The following ACOT7 variants were observed in gnomAD, a reference collection of about 807,000 sequenced individuals.
ACOT7 encodes acyl-CoA thioesterase 7, also known as cytosolic acyl coenzyme A thioester hydrolase.
Under a neutral mutation model 40.2 loss-of-function variants are expected in ACOT7, and 12 were observed. That is an observed-to-expected ratio of 0.30 (90% CI 0.19 to 0.48). The LOEUF (loss-of-function observed/expected upper bound fraction) is 0.48. ACOT7 is among the 20% of genes least tolerant of loss of function. The probability of loss-of-function intolerance (pLI) is 0.99; values close to 1 mark genes in which losing one functional copy is unlikely to be tolerated. For synonymous variants in ACOT7, 228 were observed against 219.5 expected (o/e 1.04, Z -0.34); for missense variants, 395 against 530.8 (o/e 0.74, Z 2.51).
chr1:6,381,315 T>G (rs12401411), intron 1 of ACOT7, among the ~76,000 whole-genome samples: 8,013 of 151,826 alleles, frequency 0.053, 381 homozygotes, highest in Non-Finnish European at 0.069. Context: ...ACAAACAGTT[T>G]AGCAATATAT....
At chr1:6,350,996 G>A (rs1488406653) in intron 1 of ACOT7, among the ~76,000 whole-genome samples, 3 of 152,184 alleles carry the variant, frequency 2.0e-5, no homozygotes, top group African/African-American at 7.2e-5. Context: ...AACAGCGCTG[G>A]CAGACACATG....
At chr1:6,312,579 T>C (rs1230243245) in intron 6 of ACOT7, among the ~76,000 whole-genome samples, 2 of 152,152 alleles carry the variant, frequency 1.3e-5, no homozygotes, top group Non-Finnish European at 2.9e-5. Flanking sequence ...GTGATTCTCC[T>C]GCCTCTGCCT....
At chr1:6,376,454 C>T (rs930785119) in intron 1 of ACOT7, among the ~76,000 whole-genome samples, 1 of 151,844 alleles carries the variant, frequency 6.6e-6, no homozygotes, top group Non-Finnish European at 1.5e-5. Flanking sequence ...AGGGGCCAGG[C>T]GCGGTGGCTC....
chr1:6,389,408 C>A (rs556926100), intron 1 of ACOT7, among the ~76,000 whole-genome samples: 2 of 152,254 alleles, frequency 1.3e-5, no homozygotes, highest in Non-Finnish European at 2.9e-5. Context: ...TGGCTACAGT[C>A]CCCAGAAAGC....
chr1:6,363,655 C>A (rs1385527272), intron 1 of ACOT7, among the ~76,000 whole-genome samples: 1 of 152,124 alleles, frequency 6.6e-6, no homozygotes, highest in Non-Finnish European at 1.5e-5. Context: ...AGGGAAGGGC[C>A]CCCTGTCCAG....
At chr1:6,345,079 G>A (rs1004479854) in intron 2 of ACOT7, among the ~76,000 whole-genome samples, 8 of 152,196 alleles carry the variant, frequency 5.3e-5, no homozygotes, top group African/African-American at 1.4e-4. Flanking sequence ...TACATGGACT[G>A]ACAAGTATTT....
At chr1:6,284,954 G>C (rs1172994603) in intron 7 of ACOT7, among the ~76,000 whole-genome samples, 2 of 152,200 alleles carry the variant, frequency 1.3e-5, no homozygotes, top group South Asian at 4.1e-4. Context: ...AGCTGCCCAG[G>C]GCGGCTCAGC....
intron 1 of ACOT7, among the ~76,000 whole-genome samples, chr1:6,377,962 C>T (rs893948481): frequency 8.6e-5 from 13 of 151,858 alleles, no homozygotes; most frequent in African/African-American, 2.9e-4. Flanking sequence ...CCCAGCTACT[C>T]GGGAGGCTGA....
intron 6 of ACOT7, among the ~76,000 whole-genome samples, chr1:6,305,552 C>T (rs1381550693): frequency 3.8e-4 from 53 of 138,876 alleles, no homozygotes; most frequent in African/African-American, 8.6e-4. Context: ...ACTTCTCAGA[C>T]GGGGCGGCCG....
chr1:6,341,228 G>A (rs935012686), intron 2 of ACOT7, among the ~76,000 whole-genome samples: 1 of 151,026 alleles, frequency 6.6e-6, no homozygotes, highest in Admixed American at 6.6e-5. Flanking sequence ...TGCAACCTCC[G>A]CCTCCAGGAT....
chr1:6,344,290 AG>A (rs1009564870), intron 2 of ACOT7, among the ~76,000 whole-genome samples: 4 of 152,196 alleles, frequency 2.6e-5, no homozygotes, highest in African/African-American at 9.6e-5. Context: ...GACTTGAGGC[AG>A]GAGGAAGGCA....
rs1267906065 is a variant in ACOT7 at position 6,299,742 on chromosome 1, G to T, written c.713-4762C>A. Among the ~76,000 whole-genome samples, 1 of 152,134 alleles carries T rather than the reference G, an allele frequency of 6.6e-6. No homozygotes were observed. Among genetic ancestry groups the T allele is most frequent in the Non-Finnish European group, 1.5e-5 (1 of 68,032 alleles). Reference sequence around the variant, plus strand: ...GGGGCTTAGTAGCGGCAGAGCTGCAGCCCACAGACTGAGTTCTTCTAGGTT... The same window carrying T: ...GGGGCTTAGTAGCGGCAGAGCTGCATCCCACAGACTGAGTTCTTCTAGGTT... On this transcript the variant is annotated intron_variant, in intron 6 of 8. Coordinates refer to ENST00000361521, the MANE Select transcript of ACOT7 (RefSeq NM_007274.4). The surrounding 1 kb of genome is among the most constrained non-coding windows in gnomAD (Gnocchi z 4.1).
intron 7 of ACOT7, among the ~76,000 whole-genome samples, chr1:6,286,210 T>C (rs1296882496): frequency 2.0e-5 from 3 of 152,196 alleles, no homozygotes; most frequent in Non-Finnish European, 4.4e-5. Context: ...ATTTAAAAGA[T>C]GGGTGGGACC....
At chr1:6,266,448 A>C (rs1158758650) in intron 8 of ACOT7, among the ~76,000 whole-genome samples, 1 of 152,248 alleles carries the variant, frequency 6.6e-6, no homozygotes, top group Non-Finnish European at 1.5e-5. Flanking sequence ...AGTGCATCTG[A>C]GTCATCTGCC....
chr1:6,364,075 G>A (rs1384935514), intron 1 of ACOT7, among the ~76,000 whole-genome samples: 4 of 152,256 alleles, frequency 2.6e-5, no homozygotes, highest in Non-Finnish European at 4.4e-5. Flanking sequence ...AAAAAGGCTA[G>A]ATGCAGTGAC....
intron 2 of ACOT7, among the ~76,000 whole-genome samples, chr1:6,341,254 G>A (rs1641269783): frequency 6.6e-6 from 1 of 151,294 alleles, no homozygotes; most frequent in South Asian, 2.1e-4. Flanking sequence ...CAATTCTCCT[G>A]CCTCAGCCTC....
chr1:6,285,871 G>T (rs544567682), intron 7 of ACOT7, among the ~76,000 whole-genome samples: 1 of 152,332 alleles, frequency 6.6e-6, no homozygotes, highest in African/African-American at 2.4e-5. Context: ...AGGAAGGGGG[G>T]TCCGCACCTG....
chr1:6,303,923 G>A (rs1259826790), intron 6 of ACOT7, among the ~76,000 whole-genome samples: 1 of 152,180 alleles, frequency 6.6e-6, no homozygotes, highest in Non-Finnish European at 1.5e-5. Flanking sequence ...GAAGGGGGGA[G>A]GTCTTGACTG....
rs1313678916 is a variant in ACOT7 at position 6,294,544 on chromosome 1, G to C, written c.829+320C>G. Among the ~76,000 whole-genome samples, 4 of 152,236 alleles carry C rather than the reference G, an allele frequency of 2.6e-5. No individual in the cohort carries two copies. The highest frequency in any genetic ancestry group is 9.6e-5 in the African/African-American group (4 of 41,454). On this transcript the variant is annotated intron_variant, in intron 7 of 8. Transcript: ENST00000361521. This position sits in a 1 kb window ranked among gnomAD's most constrained non-coding sequence, Gnocchi z 4.6. ...AATGAAATGTGCTGCCATGAGGTTT[G>C]GTGTCCAGGGTCGTGGCAGCTGCAG... is the stretch of plus-strand genomic sequence containing the variant.
Sources: allele counts gnomAD v4.1 joint callset (sites outside exome capture counted in the v4.1 genomes callset), GRCh38; gene constraint gnomAD v4.1.1; non-coding constraint Gnocchi (gnomAD v3.1); transcripts MANE v1.5; gene names NCBI Gene and HGNC (gene_info 2026-07-23, HGNC 2026-07-21).